The following CENPF variants were observed in gnomAD, a reference collection of about 807,000 sequenced individuals.
CENPF encodes AH antigen.
A neutral mutation model predicts 307.3 loss-of-function variants in CENPF; 214 were observed. That is an observed-to-expected ratio of 0.70 (90% CI 0.62 to 0.78). CENPF has a LOEUF of 0.78. Among genes scored for constraint, CENPF ranks in the 30% least tolerant of loss-of-function variants. The pLI is 0.00. For synonymous variants in CENPF, 1,259 were observed against 1,270.6 expected (o/e 0.99, Z 0.19); for missense variants, 3,401 against 3,483.9 (o/e 0.98, Z 0.60).
At chr1:214,630,017 T>A (rs1245868353) in intron 8 of CENPF, among the ~76,000 whole-genome samples, 1 of 152,158 alleles carries the variant, frequency 6.6e-6, no homozygotes. Flanking sequence ...ACCATACGGA[T>A]TAAGAGTCTA....
rs1461410964 is a variant in CENPF at position 214,646,385 on chromosome 1, T to G, written c.6815T>G (p.Val2272Gly). The G allele has an allele frequency of 1.2e-6, 2 of 1,614,020 alleles. No individual in the cohort carries two copies. The highest frequency in any genetic ancestry group is 2.7e-5 in the African/African-American group (2 of 74,936). ...QNQLKELNEA[V>G]AALCGDQEIM... ...CAGTTAAAGGAGCTAAATGAGGCAG[T>G]AGCAGCCTTGTGTGGTGACCAAGAA... The change falls in exon 13 of 20, where the codon GTA (valine) becomes GGA (glycine). Residue 2272 changes from valine to glycine, a missense_variant. Transcript: ENST00000366955.
chr1:214,611,137 TG>T (rs200739124), intron 1 of CENPF, among the ~76,000 whole-genome samples: 4,615 of 152,350 alleles, frequency 0.03, 106 homozygotes, highest in Middle Eastern at 0.088. Context: ...TTGTTCTTTT[TG>T]CTTAGGCTTG....
intron 10 of CENPF, among the ~76,000 whole-genome samples, chr1:214,632,996 C>T (rs1366020989): frequency 1.3e-5 from 2 of 152,142 alleles, no homozygotes; most frequent in African/African-American, 2.4e-5. Flanking sequence ...CATCTAAATC[C>T]CTTTTCTAAC....
intron 1 of CENPF, chr1:214,612,948 T>C: frequency 4.3e-6 from 1 of 230,444 alleles, no homozygotes; most frequent in South Asian, 7.7e-5. Flanking sequence ...CCTATGGTTT[T>C]TCTTTTTGAT....
intron 1 of CENPF, among the ~76,000 whole-genome samples, chr1:214,606,395 TC>T (rs1201819241): frequency 5.9e-5 from 9 of 152,088 alleles, no homozygotes; most frequent in Non-Finnish European, 1.2e-4. Context: ...GCGCCTCTCC[TC>T]CTGATCACCC....
At chr1:214,611,009 TG>T (rs1264580474) in intron 1 of CENPF, among the ~76,000 whole-genome samples, 3 of 152,218 alleles carry the variant, frequency 2.0e-5, no homozygotes, top group African/African-American at 7.2e-5. Flanking sequence ...GGCTTATTTC[TG>T]GGCTCTCTAT....
rs144924876 is a variant in CENPF at position 214,651,088 on chromosome 1, G to T, written c.7984-622G>T. Reference sequence around the variant, plus strand: ...AAGCTTTTTTAGGAAGAGCTGGGACGAATTGATTGGAGCAGGTTAAAGAAT... The same window carrying T: ...AAGCTTTTTTAGGAAGAGCTGGGACTAATTGATTGGAGCAGGTTAAAGAAT... On this transcript the variant is annotated intron_variant, in intron 14 of 19. Transcript: ENST00000366955. 3.3e-5 allele frequency among the ~76,000 whole-genome samples: 5 copies of T among 152,290 alleles called. No homozygotes were observed. The East Asian group carries it at 9.6e-4, about 29-fold the overall frequency.
Position 214,641,355 on chromosome 1 carries a change from A to G in CENPF, c.3017A>G (p.Glu1006Gly), listed in dbSNP as rs932229522. 7.5e-6 allele frequency: 12 copies of G among 1,610,040 alleles called. No individual in the cohort carries two copies. The highest frequency in any genetic ancestry group is 1.0e-5 in the Non-Finnish European group (12 of 1,179,102). The change falls in exon 12 of 20, where the codon GAA (glutamate) becomes GGA (glycine). Residue 1006 changes from glutamate to glycine, a missense_variant. Transcript: ENST00000366955. ...GAGAGTTTTGCAAACTATATAGATG[A>G]AAGGGAGAAAAGCATTTCAGAGTTA... is the stretch of plus-strand genomic sequence containing the variant. ...KSESFANYID[E>G]REKSISELSD...
At chr1:214,608,058 C>G (rs567574511) in intron 1 of CENPF, among the ~76,000 whole-genome samples, 1 of 152,350 alleles carries the variant, frequency 6.6e-6, no homozygotes, top group South Asian at 2.1e-4. Flanking sequence ...CCTTCCCGTC[C>G]TCAGGCCAGG....
At position 214,658,929 on chromosome 1, in the gene CENPF, C is replaced by A; in HGVS notation, c.9042C>A (p.Arg3014=). 1.9e-6 allele frequency: 3 copies of A among 1,614,114 alleles called. No homozygotes were observed. The highest frequency in any genetic ancestry group is 2.5e-6 in the Non-Finnish European group (3 of 1,179,998). ...RTTMATRTSP[R]LAAQKLALSP... Reference sequence around the variant, plus strand: ...CCATGGCAACTCGGACCAGCCCCCGCCTGGCTGCACAGAAGTTAGCGCTAT... The same window carrying A: ...CCATGGCAACTCGGACCAGCCCCCGACTGGCTGCACAGAAGTTAGCGCTAT... Residue 3014 remains arginine, a synonymous_variant, in exon 19 of 20, where the codon CGC becomes CGA. Coordinates refer to ENST00000366955, the MANE Select transcript of CENPF (RefSeq NM_016343.4).
chr1:214,606,019 G>A (rs980119103), intron 1 of CENPF: 17 of 1,596,560 alleles, frequency 1.1e-5, no homozygotes, highest in Non-Finnish European at 1.4e-5. Flanking sequence ...CCAGGTCCAC[G>A]GTGGGCACCG....
Position 214,663,778 on chromosome 1 carries a change from A to G in CENPF, c.9329A>G (p.Asn3110Ser), listed in dbSNP as rs372955906. ...KAGLESNGSENCKVQ is the reference protein window; with the variant it reads ...KAGLESNGSESCKVQ ...GGACTGGAGTCCAACGGCAGTGAGAACTGTAAGGTCCAGTGAAGGCACTTT... is the reference window on the plus strand; with the variant it reads ...GGACTGGAGTCCAACGGCAGTGAGAGCTGTAAGGTCCAGTGAAGGCACTTT... Residue 3110 changes from asparagine (N) to serine (S), a missense_variant, in exon 20 of 20, where the codon AAC (asparagine) becomes AGC (serine). Asn to Ser is a conservative substitution (Grantham distance 46). Transcript: ENST00000366955. 5 of 1,613,874 alleles carry G rather than the reference A, an allele frequency of 3.1e-6. No homozygotes were observed. Among genetic ancestry groups the G allele is most frequent in the Non-Finnish European group, 4.2e-6 (5 of 1,179,992 alleles).
At chr1:214,621,859 TG>T (rs527471073) in intron 6 of CENPF, among the ~76,000 whole-genome samples, 6 of 152,228 alleles carry the variant, frequency 3.9e-5, no homozygotes, top group Non-Finnish European at 8.8e-5. Context: ...TTTGTTAAAA[TG>T]TAAGAAAATC....
rs373698029 is a variant in CENPF at position 214,646,549 on chromosome 1, A to G, written c.6979A>G (p.Ser2327Gly). 2 of 1,614,028 alleles carry G rather than the reference A, an allele frequency of 1.2e-6. No individual in the cohort carries two copies. The highest frequency in any genetic ancestry group is 2.7e-5 in the African/African-American group (2 of 74,928). ...CTGTGTCTTACAACAACTGAAGGAA[A>G]GTGAGCATCATGCAGATTTACTTAA... ...QLCVLQQLKE[S>G]EHHADLLKGR... Residue 2327 changes from serine (S) to glycine (G), a missense_variant, in exon 13 of 20, where the codon AGT (serine) becomes GGT (glycine). By Grantham distance (56) the Ser-to-Gly change is moderately conservative. Coordinates refer to ENST00000366955, the MANE Select transcript of CENPF (RefSeq NM_016343.4).
intron 1 of CENPF, among the ~76,000 whole-genome samples, chr1:214,609,419 G>A (rs1305459089): frequency 6.6e-6 from 1 of 152,138 alleles, no homozygotes. Flanking sequence ...AACTATGGCC[G>A]GGTCAGGGAT....
Position 214,646,727 on chromosome 1 carries a change from A to G in CENPF, c.7157A>G (p.Asp2386Gly). Residue 2386 changes from aspartate to glycine, a missense_variant, in exon 13 of 20, where the codon GAT (aspartate) becomes GGT (glycine). Transcript: ENST00000366955. ...CAAAGTCTGAGAGGTCTGGAATTAGATGTTGTTACTATAAGGTCAGAAAAA... is the reference window on the plus strand; with the variant it reads ...CAAAGTCTGAGAGGTCTGGAATTAGGTGTTGTTACTATAAGGTCAGAAAAA... ...MTQSLRGLELDVVTIRSEKEN... is the reference protein window; with the variant it reads ...MTQSLRGLELGVVTIRSEKEN... 1 of 1,614,110 alleles carries G rather than the reference A, an allele frequency of 6.2e-7. No individual in the cohort carries two copies. Among genetic ancestry groups the G allele is most frequent in the Non-Finnish European group, 8.5e-7 (1 of 1,180,002 alleles).
chr1:214,611,387 G>A (rs1375764977), intron 1 of CENPF, among the ~76,000 whole-genome samples: 3 of 150,852 alleles, frequency 2.0e-5, no homozygotes, highest in Non-Finnish European at 4.4e-5. Flanking sequence ...TTTTTGAGAT[G>A]GAGTTTCGCT....
chr1:214,648,494 G>A (rs1311207408), intron 13 of CENPF, 181 bp from the exon 14 acceptor site: 1 of 761,312 alleles, frequency 1.3e-6, no homozygotes, highest in Non-Finnish European at 2.4e-6. Context: ...GGAAGAAAAG[G>A]TAAGCTTACT....
intron 1 of CENPF, chr1:214,608,558 G>T (rs1388771648): frequency 1.2e-6 from 2 of 1,610,866 alleles, no homozygotes; most frequent in Non-Finnish European, 8.5e-7. Flanking sequence ...CGGTTGCGGC[G>T]GGCGCTCTTG....
Sources: gnomAD v4.1 joint callset for allele counts (sites outside exome capture counted in the v4.1 genomes callset) on GRCh38, gnomAD v4.1.1 for gene constraint, MANE v1.5 for transcripts, NCBI Gene and HGNC (gene_info 2026-07-23, HGNC 2026-07-21) for gene names.